MYOCD: variants seen among roughly 807,000 people sequenced by gnomAD.
MYOCD encodes myocardin.
Under a neutral mutation model 96.1 loss-of-function variants are expected in MYOCD, and 32 were observed. That is an observed-to-expected ratio of 0.33 (90% CI 0.25 to 0.45). MYOCD has a LOEUF of 0.45. Ranked by LOEUF, MYOCD falls within the 20% of genes least tolerant of loss-of-function variation. The probability of loss-of-function intolerance (pLI) is 1.00; values close to 1 mark genes in which losing one functional copy is unlikely to be tolerated. For synonymous variants in MYOCD, 469 were observed against 469.0 expected, an observed-to-expected ratio of 1.00 and a Z score of 0.00; for missense variants, 1,133 against 1,200.6, an observed-to-expected ratio of 0.94 and a Z score of 0.83.
intron 1 of MYOCD, among the ~76,000 whole-genome samples, chr17:12,684,470 A>C (rs1316606250): frequency 6.6e-6 from 1 of 152,224 alleles, no homozygotes; most frequent in East Asian, 1.9e-4. Flanking sequence ...TGAACAAGGC[A>C]ATGTCCAGGG....
At chr17:12,685,586 GACAGA>G (rs2030072994) in intron 1 of MYOCD, among the ~76,000 whole-genome samples, 2 of 146,468 alleles carry the variant, frequency 1.4e-5, no homozygotes, top group South Asian at 2.2e-4. Context: ...AAGCCTGGGA[GACAGA>G]TTGAGACTGG....
chr17:12,711,210 C>A lies in MYOCD; in HGVS notation c.122-4309C>A, dbSNP rs578077350. Among the ~76,000 whole-genome samples, 14 of 152,098 alleles carry A rather than the reference C, an allele frequency of 9.2e-5. No homozygotes were observed. The South Asian group carries it at 2.5e-3, about 27-fold the overall frequency. ...TATATATAAAAAAAATTCTCATGAC[C>A]CAATTTGTCTTTAAAACCAAGACAG... is the stretch of plus-strand genomic sequence containing the variant. On this transcript the variant is annotated intron_variant, in intron 2 of 13. Coordinates refer to ENST00000425538, the MANE Select transcript of MYOCD (RefSeq NM_001146312.3).
intron 12 of MYOCD, 41 bp from the exon 13 acceptor site, chr17:12,760,609 C>T: frequency 6.5e-7 from 1 of 1,532,996 alleles, no homozygotes; most frequent in Admixed American, 1.7e-5. Context: ...GAGATAACCA[C>T]CTTCTAAATT....
intron 1 of MYOCD, among the ~76,000 whole-genome samples, chr17:12,685,002 T>G (rs1320693545): frequency 6.6e-6 from 1 of 151,888 alleles, no homozygotes; most frequent in African/African-American, 2.4e-5. Flanking sequence ...ATTTAAGATT[T>G]TATTCATTTT....
chr17:12,670,462 T>C (rs1909638861), intron 1 of MYOCD, among the ~76,000 whole-genome samples: 1 of 152,198 alleles, frequency 6.6e-6, no homozygotes, highest in Non-Finnish European at 1.5e-5. Flanking sequence ...CTCTCAGGAA[T>C]TGAGCTTAGC....
At chr17:12,673,703 G>C (rs889535609) in intron 1 of MYOCD, among the ~76,000 whole-genome samples, 1 of 152,144 alleles carries the variant, frequency 6.6e-6, no homozygotes, top group Non-Finnish European at 1.5e-5. Flanking sequence ...TCATTATTTA[G>C]AGTAAATGCC....
chr17:12,736,153 C>G lies in MYOCD; in HGVS notation c.416-8C>G, dbSNP rs776277507. On this transcript the variant is annotated splice_region_variant and splice_polypyrimidine_tract_variant and intron_variant, in intron 5 of 13. Transcript: ENST00000425538. ...CACTGACCAAGTTCCTGGATTTCAC[C>G]CCCTCAGGTAACCAGGTGAGTTTCT... 1 of 1,613,368 alleles carries G rather than the reference C, an allele frequency of 6.2e-7. No individual in the cohort carries two copies. The highest frequency in any genetic ancestry group is 1.1e-5 in the South Asian group (1 of 91,006).
intron 1 of MYOCD, among the ~76,000 whole-genome samples, chr17:12,695,192 C>A (rs1030561343): frequency 2.0e-5 from 3 of 152,170 alleles, no homozygotes; most frequent in Admixed American, 2.0e-4. Context: ...TCTCACCGTT[C>A]CAGAGGCTGG....
intron 6 of MYOCD, 87 bp downstream of exon 6, chr17:12,736,423 C>G: frequency 7.2e-7 from 1 of 1,391,246 alleles, no homozygotes; most frequent in Non-Finnish European, 9.8e-7. Flanking sequence ...CTGTTAACAG[C>G]TGGTTTTGCT....
intron 2 of MYOCD, among the ~76,000 whole-genome samples, chr17:12,711,801 G>A (rs1475116328): frequency 2.0e-5 from 3 of 152,130 alleles, no homozygotes; most frequent in African/African-American, 7.2e-5. Context: ...CATCACAGCG[G>A]TTCTGAAGCT....
At position 12,752,937 on chromosome 17, in the gene MYOCD, A is replaced by G; in HGVS notation, c.1649A>G (p.Gln550Arg). ...RQVEELRMQL[Q>R]KQKRNNCSEK... is the part of the protein sequence containing the mutation. ...GTGGAGGAGCTGAGGATGCAGCTTC[A>G]GAAGCAGAAAAGGAATAACTGTTCA... The change falls in exon 10 of 14, where the codon CAG becomes CGG. Residue 550 changes from glutamine to arginine, a missense_variant. By Grantham distance (43) the Gln-to-Arg change is conservative (BLOSUM62 1). Coordinates refer to ENST00000425538, the MANE Select transcript of MYOCD (RefSeq NM_001146312.3). The G allele has an allele frequency of 6.2e-7, 1 of 1,614,136 alleles. No homozygotes were observed. Among genetic ancestry groups the G allele is most frequent in the Non-Finnish European group, 8.5e-7 (1 of 1,180,020 alleles).
chr17:12,711,957 T>A (rs1001161806), intron 2 of MYOCD, among the ~76,000 whole-genome samples: 10 of 145,818 alleles, frequency 6.9e-5, no homozygotes, highest in Non-Finnish European at 1.5e-4. Flanking sequence ...AGAGTCTCAC[T>A]CTGTCGCCCA....
At chr17:12,724,340 A>T (rs1288149508) in intron 5 of MYOCD, among the ~76,000 whole-genome samples, 1 of 152,020 alleles carries the variant, frequency 6.6e-6, no homozygotes, top group African/African-American at 2.4e-5. Flanking sequence ...AGTAGATTAT[A>T]TTTTTCCTTG....
rs1050465996 is a variant in MYOCD, at chr17:12,760,921, T to C, written c.2389+214T>C. 13 of 492,972 alleles carry C rather than the reference T, an allele frequency of 2.6e-5. No individual in the cohort carries two copies. The Admixed American group carries it at 2.7e-4, about 10-fold the overall frequency. 30.5% of individuals were successfully genotyped at this position (492,972 alleles called of 1,614,324 possible). A position where few individuals can be genotyped will look rare whatever the true frequency, so the allele number is the denominator to read the frequency against. On this transcript the variant is annotated intron_variant, in intron 13 of 13. Transcript: ENST00000425538. ...CCTCACTGCCTTTGTCCTAGGAGCA[T>C]TTTTCAGCAATCATTTTAATAGTTT... is the stretch of plus-strand genomic sequence containing the variant.
chr17:12,697,359 A>ATAT (rs1427225443), intron 1 of MYOCD, among the ~76,000 whole-genome samples: 141 of 75,738 alleles, frequency 1.9e-3, no homozygotes, highest in Non-Finnish European at 2.8e-3. Flanking sequence ...ATATATATAT[A>ATAT]TTTTTTTTTT....
At chr17:12,723,646 C>T (rs1332518877) in intron 5 of MYOCD, among the ~76,000 whole-genome samples, 1 of 152,144 alleles carries the variant, frequency 6.6e-6, no homozygotes, top group Non-Finnish European at 1.5e-5. Context: ...ACTAGGTGGA[C>T]CCAAACAGCC....
chr17:12,684,364 G>C (rs1243046123), intron 1 of MYOCD, among the ~76,000 whole-genome samples: 2 of 152,146 alleles, frequency 1.3e-5, no homozygotes, highest in Non-Finnish European at 1.5e-5. Flanking sequence ...TTCTACAGGA[G>C]AAAGTGGAAC....
intron 1 of MYOCD, among the ~76,000 whole-genome samples, chr17:12,669,720 G>T (rs1323796672): frequency 6.6e-6 from 1 of 151,960 alleles, no homozygotes; most frequent in Non-Finnish European, 1.5e-5. Flanking sequence ...TGGGGTTCAC[G>T]CCATTCTCCT....
chr17:12,759,786 GAGCAACCA>G (rs1404409169), intron 12 of MYOCD, among the ~76,000 whole-genome samples: 1 of 152,174 alleles, frequency 6.6e-6, no homozygotes, highest in East Asian at 1.9e-4. Context: ...AGCCACATTG[GAGCAACCA>G]AGCAAGAGGT....
Sources: gnomAD v4.1 joint callset for allele counts (sites outside exome capture counted in the v4.1 genomes callset) on GRCh38, gnomAD v4.1.1 for gene constraint, MANE v1.5 for transcripts, NCBI Gene and HGNC (gene_info 2026-07-23, HGNC 2026-07-21) for gene names.